Variants in ZFR observed in about 807,000 individuals in gnomAD.
ZFR encodes the protein zinc finger RNA binding protein.
Under a neutral mutation model 130.7 loss-of-function variants are expected in ZFR, and 19 were observed. That is an observed-to-expected ratio of 0.15 (90% confidence interval 0.10 to 0.21). ZFR has a LOEUF of 0.21. Among genes scored for constraint, ZFR ranks in the 10% least tolerant of loss-of-function variants. The pLI is 1.00. For synonymous variants in ZFR, 466 were observed against 456.9 expected, an observed-to-expected ratio of 1.02 and a Z score of -0.25; for missense variants, 872 against 1,321.5, an observed-to-expected ratio of 0.66 and a Z score of 5.27.
intron 19 of ZFR, among the ~76,000 whole-genome samples, chr5:32,357,754 C>T (rs1006553865): frequency 6.6e-6 from 1 of 152,152 alleles, no homozygotes; most frequent in African/African-American, 2.4e-5. Context: ...TTATGTGTGG[C>T]TCCTTAAGTC....
intron 17 of ZFR, among the ~76,000 whole-genome samples, chr5:32,368,043 A>G (rs895960877): frequency 6.6e-6 from 1 of 151,986 alleles, no homozygotes; most frequent in Non-Finnish European, 1.5e-5. Flanking sequence ...TCTTTCATCA[A>G]TGGGTGATCC....
intron 17 of ZFR, among the ~76,000 whole-genome samples, chr5:32,373,471 T>C (rs1752723757): frequency 6.6e-6 from 1 of 152,094 alleles, no homozygotes. Context: ...TACAAAGCAT[T>C]ACCTATGCAG....
chr5:32,421,273 C>T (rs1753951286), intron 2 of ZFR, among the ~76,000 whole-genome samples: 1 of 151,906 alleles, frequency 6.6e-6, no homozygotes, highest in Non-Finnish European at 1.5e-5. Flanking sequence ...TAGCTGACCA[C>T]ATTTTAGTAT....
chr5:32,364,401 C>G (rs986594043), intron 17 of ZFR, 126 bp from the exon 18 acceptor site: 3 of 604,612 alleles, frequency 5.0e-6, no homozygotes, highest in Non-Finnish European at 8.5e-6. Context: ...GTCACAAAAA[C>G]AGAAAATAAA....
chr5:32,366,592 CA>C (rs1752550396), intron 17 of ZFR, among the ~76,000 whole-genome samples: 1 of 152,134 alleles, frequency 6.6e-6, no homozygotes, highest in Non-Finnish European at 1.5e-5. Flanking sequence ...GCAATTAAAA[CA>C]TATTAATTTT....
chr5:32,412,479 C>A (rs942140098), intron 5 of ZFR, among the ~76,000 whole-genome samples: 30 of 152,210 alleles, frequency 2.0e-4, no homozygotes, highest in African/African-American at 6.5e-4. Context: ...AATCCATGAT[C>A]CTTGACTAGA....
rs35127723 is a variant in ZFR, at chr5:32,432,898, G to GT, written c.137+11330dup. Among the ~76,000 whole-genome samples, 621 of 141,096 alleles carry GT rather than the reference G, an allele frequency of 4.4e-3. 2 individuals are homozygous for GT. The highest frequency in any genetic ancestry group is 8.6e-3 in the African/African-American group (324 of 37,888). The allele number at this position is 141,096 out of a possible 152,430, so 92.6% of individuals were successfully genotyped here. ...TGTACTCCACCATGCCTGGCTAATTGTTTTTTTTTTTTTTAAACAGAGATG... is the reference window on the plus strand; with the variant it reads ...TGTACTCCACCATGCCTGGCTAATTGTTTTTTTTTTTTTTTAAACAGAGATG... On this transcript the variant is annotated intron_variant, in intron 2 of 19. Transcript: ENST00000265069.
chr5:32,391,768 T>C (rs1753184269), intron 11 of ZFR, among the ~76,000 whole-genome samples: 1 of 152,108 alleles, frequency 6.6e-6, no homozygotes, highest in Non-Finnish European at 1.5e-5. Context: ...CAGTGCTTTT[T>C]TTTCCCTTAA....
At chr5:32,419,745 G>A (rs1305455466) in intron 3 of ZFR, 76 bp downstream of exon 3, 3 of 1,497,850 alleles carry the variant, frequency 2.0e-6, no homozygotes, top group Admixed American at 2.2e-5. Context: ...GAGAAGCAAT[G>A]GCTAGGGCAT....
chr5:32,359,306 ATTTTT>A (rs11326127), intron 19 of ZFR, among the ~76,000 whole-genome samples: 1 of 149,434 alleles, frequency 6.7e-6, no homozygotes, highest in African/African-American at 2.4e-5. Flanking sequence ...TTTTTTTGCG[ATTTTT>A]TTTTTTCTTT....
In ZFR at chr5:32,354,861, T is replaced by C. The variant is rs1473219661; in HGVS notation, c.*899A>G. The C allele has an allele frequency of 3.9e-5, 6 of 152,246 alleles. No individual in the cohort carries two copies. Among genetic ancestry groups the C allele is most frequent in the Non-Finnish European group, 7.4e-5 (5 of 68,008 alleles). 9.4% of individuals were successfully genotyped at this position (152,246 alleles called of 1,614,324 possible). ...AAATATTGGTTAGCCCACTTATATG[T>C]GAAAAATGCCCTTTCCACTTATACA... On this transcript the variant is annotated 3_prime_UTR_variant, in exon 20 of 20. Coordinates refer to ENST00000265069, the MANE Select transcript of ZFR (RefSeq NM_016107.5).
intron 19 of ZFR, among the ~76,000 whole-genome samples, chr5:32,357,108 G>A (rs528662408): frequency 3.6e-4 from 54 of 151,682 alleles, no homozygotes; most frequent in African/African-American, 1.3e-3. Context: ...TCAGCCTCCC[G>A]AGTAGCCAGG....
intron 17 of ZFR, among the ~76,000 whole-genome samples, chr5:32,377,285 T>C (rs1752844440): frequency 6.6e-6 from 1 of 150,706 alleles, no homozygotes; most frequent in Non-Finnish European, 1.5e-5. Flanking sequence ...CAGGCTGGAG[T>C]GCAGTGGCGT....
chr5:32,359,306 A>AT (rs11326127), intron 19 of ZFR, among the ~76,000 whole-genome samples: 2,816 of 149,502 alleles, frequency 0.019, 81 homozygotes, highest in African/African-American at 0.065. Flanking sequence ...TTTTTTTGCG[A>AT]TTTTTTTTTT....
Position 32,415,094 on chromosome 5 carries a change from G to A in ZFR, c.659C>T (p.Pro220Leu), listed in dbSNP as rs1267146267. 1 of 1,613,986 alleles carries A rather than the reference G, an allele frequency of 6.2e-7. No individual in the cohort carries two copies. Among genetic ancestry groups the A allele is most frequent in the Non-Finnish European group, 8.5e-7 (1 of 1,180,030 alleles). The change falls in exon 5 of 20, where the codon CCA becomes CTA. Residue 220 changes from proline (P) to leucine (L), a missense_variant. Coordinates refer to ENST00000265069, the MANE Select transcript of ZFR (RefSeq NM_016107.5). ...VTAIKPATPS[P>L]ATTTFSIYPV... is the part of the protein sequence containing the mutation. ...ATAGATGGAGAAAGTAGTGGTAGCT[G>A]GACTTGGTGTGGCTGGTTTTATGGC...
intron 17 of ZFR, among the ~76,000 whole-genome samples, chr5:32,375,268 A>T (rs1752773554): frequency 6.6e-6 from 1 of 152,224 alleles, no homozygotes; most frequent in Non-Finnish European, 1.5e-5. Flanking sequence ...CTGATTCAAA[A>T]ATTACTTAAA....
chr5:32,366,960 T>C (rs1342026411), intron 17 of ZFR, among the ~76,000 whole-genome samples: 1 of 151,654 alleles, frequency 6.6e-6, no homozygotes, highest in African/African-American at 2.4e-5. Flanking sequence ...GGCACGATCA[T>C]AGCACACTGC....
rs868223349 is a variant in ZFR, at chr5:32,406,741, G to A, written c.1032+33C>T. On this transcript the variant is annotated intron_variant, in intron 6 of 19. Coordinates refer to ENST00000265069, the MANE Select transcript of ZFR (RefSeq NM_016107.5). ...ATACCAACTACACTTAATAACCACT[G>A]AAGACTCAAGGTAAAACATACAACG... The A allele has an allele frequency of 3.2e-6, 5 of 1,586,824 alleles. No individual in the cohort carries two copies. In the Middle Eastern group the frequency reaches 8.5e-4, roughly 268 times the overall value.
At chr5:32,413,299 T>C (rs1294044149) in intron 5 of ZFR, among the ~76,000 whole-genome samples, 1 of 152,120 alleles carries the variant, frequency 6.6e-6, no homozygotes, top group Non-Finnish European at 1.5e-5. Context: ...TATCTATACT[T>C]AGTGACACGA....
Sources: gnomAD v4.1 joint callset for allele counts (sites outside exome capture counted in the v4.1 genomes callset) on GRCh38, gnomAD v4.1.1 for gene constraint, MANE v1.5 for transcripts, NCBI Gene and HGNC (gene_info 2026-07-23, HGNC 2026-07-21) for gene names.